CEP128: variants seen among roughly 807,000 people sequenced by gnomAD.
CEP128 encodes centrosomal protein 128kDa.
In CEP128, 132 loss-of-function variants were observed where a neutral mutation model predicts 156.7. That is an observed-to-expected ratio of 0.84 (90% confidence interval 0.73 to 0.97). The LOEUF is 0.97. Ranked by LOEUF, CEP128 falls within the 50% of genes least tolerant of loss-of-function variation. The pLI, the probability that CEP128 is intolerant of heterozygous loss-of-function variation, is 0.00. For synonymous variants in CEP128, 469 were observed against 448.9 expected (o/e 1.04, Z -0.57); for missense variants, 1,252 against 1,281.9 (o/e 0.98, Z 0.36).
intron 14 of CEP128, among the ~76,000 whole-genome samples, chr14:80,483,480 T>C (rs1887097353): frequency 6.6e-6 from 1 of 152,240 alleles, no homozygotes; most frequent in South Asian, 2.1e-4. Context: ...TTCATGGCAC[T>C]GAAGGCATGA....
chr14:80,528,590 C>A (rs1439523707), intron 22 of CEP128, among the ~76,000 whole-genome samples: 1 of 152,144 alleles, frequency 6.6e-6, no homozygotes, highest in African/African-American at 2.4e-5. Flanking sequence ...GCCCAGCCAA[C>A]AATTCTTTCA....
At chr14:80,908,945 T>C (rs1409763856) in intron 4 of CEP128, among the ~76,000 whole-genome samples, 2 of 151,992 alleles carry the variant, frequency 1.3e-5, no homozygotes, top group East Asian at 1.9e-4. Context: ...TTGCCTATAC[T>C]ATCACCCTTT....
chr14:80,938,747 G>A, intron 2 of CEP128, among the ~76,000 whole-genome samples: 2 of 152,130 alleles, frequency 1.3e-5, no homozygotes, highest in Middle Eastern at 6.8e-3. Flanking sequence ...AAATTATAAT[G>A]ATCTCTTACC....
chr14:80,609,033 A>C (rs999677037), intron 19 of CEP128, among the ~76,000 whole-genome samples: 6 of 152,136 alleles, frequency 3.9e-5, no homozygotes, highest in Admixed American at 1.3e-4. Context: ...AGTATATTAC[A>C]TTTTTTGAGA....
intron 2 of CEP128, among the ~76,000 whole-genome samples, chr14:80,950,533 C>T (rs888015792): frequency 2.6e-4 from 39 of 151,914 alleles, no homozygotes; most frequent in East Asian, 5.8e-4. Flanking sequence ...TTAAATATTA[C>T]GGGAGGACAA....
intron 21 of CEP128, among the ~76,000 whole-genome samples, chr14:80,533,108 T>A (rs1305949074): frequency 6.6e-6 from 1 of 152,180 alleles, no homozygotes; most frequent in African/African-American, 2.4e-5. Flanking sequence ...TTTCTTACTA[T>A]AAGCCACAAC....
intron 18 of CEP128, among the ~76,000 whole-genome samples, chr14:80,749,749 T>C (rs1403704699): frequency 6.6e-6 from 1 of 152,192 alleles, no homozygotes; most frequent in African/African-American, 2.4e-5. Flanking sequence ...CATGCATTTT[T>C]AAATAATTAA....
chr14:80,823,540 C>G (rs1885304395), intron 13 of CEP128, among the ~76,000 whole-genome samples: 1 of 152,120 alleles, frequency 6.6e-6, no homozygotes, highest in Non-Finnish European at 1.5e-5. Flanking sequence ...CTGCCCATGT[C>G]CTGCCTGAAA....
intron 21 of CEP128, among the ~76,000 whole-genome samples, chr14:80,536,341 GT>G (rs1889483153): frequency 6.6e-6 from 1 of 151,978 alleles, no homozygotes; most frequent in Non-Finnish European, 1.5e-5. Context: ...TTTTCTTATA[GT>G]GTTATTGAAA....
At chr14:80,649,154 G>A (rs1015248447) in intron 19 of CEP128, among the ~76,000 whole-genome samples, 1 of 152,104 alleles carries the variant, frequency 6.6e-6, no homozygotes, top group South Asian at 2.1e-4. Context: ...TACTGAACAT[G>A]AACAGGAGTG....
chr14:80,693,824 A>T (rs561739253), intron 19 of CEP128, among the ~76,000 whole-genome samples: 1 of 152,192 alleles, frequency 6.6e-6, no homozygotes, highest in Non-Finnish European at 1.5e-5. Context: ...TTTGGTTGAA[A>T]CTTAGGTTTG....
chr14:80,508,460 T>C (rs866158160), intron 23 of CEP128, among the ~76,000 whole-genome samples: 7 of 152,342 alleles, frequency 4.6e-5, no homozygotes, highest in Non-Finnish European at 7.4e-5. Flanking sequence ...TATTTTTTCA[T>C]GGGAATTTTC....
At chr14:80,611,753 A>C (rs1269072016) in intron 19 of CEP128, among the ~76,000 whole-genome samples, 1 of 152,186 alleles carries the variant, frequency 6.6e-6, no homozygotes, top group Non-Finnish European at 1.5e-5. Context: ...GAAACCAGTA[A>C]ATACTGTTCT....
At chr14:80,512,248 T>C (rs953964500) in intron 23 of CEP128, among the ~76,000 whole-genome samples, 2 of 152,098 alleles carry the variant, frequency 1.3e-5, no homozygotes, top group African/African-American at 4.8e-5. Context: ...TATATCTGGG[T>C]AATCCAGTGT....
At chr14:80,695,882 T>G (rs1045774128) in intron 19 of CEP128, among the ~76,000 whole-genome samples, 1 of 152,122 alleles carries the variant, frequency 6.6e-6, no homozygotes, top group African/African-American at 2.4e-5. Context: ...AAAAAATTTT[T>G]TTTGAAATAA....
rs562742766 is a variant in CEP128, at chr14:80,933,743, A to G, written c.-16+5642T>C. ...TCAAGTAGGAAAAGGAATAGAAAGT[A>G]TCCTTTGGAAGTGCTAGTGACTGTA... On this transcript the variant is annotated intron_variant, in intron 2 of 24. Transcript: ENST00000555265. Among the ~76,000 whole-genome samples, 110 of 152,328 alleles carry G rather than the reference A, an allele frequency of 7.2e-4. 1 individual carries two copies. Among genetic ancestry groups the G allele is most frequent in the African/African-American group, 2.5e-3 (105 of 41,578 alleles).
chr14:80,655,495 C>A (rs563283094), intron 19 of CEP128, among the ~76,000 whole-genome samples: 3 of 152,312 alleles, frequency 2.0e-5, no homozygotes, highest in African/African-American at 7.2e-5. Flanking sequence ...CTCCTACTCT[C>A]TTCCTCTCTG....
intron 14 of CEP128, among the ~76,000 whole-genome samples, chr14:80,790,032 T>C (rs1196311408): frequency 2.0e-5 from 3 of 152,100 alleles, no homozygotes; most frequent in Non-Finnish European, 2.9e-5. Flanking sequence ...TCCTTCTTAC[T>C]TTCAACCATT....
intron 19 of CEP128, among the ~76,000 whole-genome samples, chr14:80,655,138 T>G (rs1301278336): frequency 6.6e-6 from 1 of 152,202 alleles, no homozygotes; most frequent in Non-Finnish European, 1.5e-5. Context: ...TATTGTTTCA[T>G]ATTTCATATC....
Sources: allele counts gnomAD v4.1 joint callset (sites outside exome capture counted in the v4.1 genomes callset), GRCh38; gene constraint gnomAD v4.1.1; transcripts MANE v1.5; gene names NCBI Gene and HGNC (gene_info 2026-07-23, HGNC 2026-07-21).